Variants in SFMBT1 observed in about 807,000 individuals in gnomAD.
The protein encoded by SFMBT1 is Scm like with four mbt domains 1.
A neutral mutation model predicts 108.7 loss-of-function variants in SFMBT1; 32 were observed. The observed-to-expected ratio is 0.29, with a 90% confidence interval of 0.22 to 0.40. The LOEUF (loss-of-function observed/expected upper bound fraction) is 0.40. Ranked by LOEUF, SFMBT1 falls within the 10% of genes least tolerant of loss-of-function variation. The pLI is 1.00. For synonymous variants in SFMBT1, 348 were observed against 369.5 expected (o/e 0.94, Z 0.67); for missense variants, 816 against 1,059.6 (o/e 0.77, Z 3.19).
intron 14 of SFMBT1, 120 bp downstream of exon 14, chr3:52,916,030 A>T: frequency 1.3e-6 from 1 of 745,386 alleles, no homozygotes; most frequent in Non-Finnish European, 2.2e-6. Flanking sequence ...AGTCACAATT[A>T]AGAGACCCCT....
At chr3:52,966,337 A>AG (rs1432573349) in intron 2 of SFMBT1, among the ~76,000 whole-genome samples, 1 of 142,460 alleles carries the variant, frequency 7.0e-6, no homozygotes, top group East Asian at 2.1e-4. Context: ...GAAAAAAAAA[A>AG]GGACTAAAGC....
At chr3:53,005,084 T>C (rs191798981) in intron 1 of SFMBT1, among the ~76,000 whole-genome samples, 8 of 152,336 alleles carry the variant, frequency 5.3e-5, no homozygotes, top group Non-Finnish European at 2.9e-5. Context: ...CTGGTCTGAA[T>C]GTAGTCAGGT....
At chr3:53,015,821 T>C (rs1391778274) in intron 1 of SFMBT1, among the ~76,000 whole-genome samples, 3 of 152,198 alleles carry the variant, frequency 2.0e-5, no homozygotes, top group African/African-American at 2.4e-5. Context: ...AGGTTTTTTT[T>C]CTGGAATAAT....
At chr3:52,947,211 A>G (rs1575393981) in intron 3 of SFMBT1, among the ~76,000 whole-genome samples, 1 of 148,902 alleles carries the variant, frequency 6.7e-6, no homozygotes, top group East Asian at 2.0e-4. Flanking sequence ...TCCGCCTCCC[A>G]GGTTCACGCC....
chr3:53,003,193 T>C (rs114386441), intron 1 of SFMBT1, among the ~76,000 whole-genome samples: 1,756 of 149,242 alleles, frequency 0.012, 138 homozygotes, highest in Non-Finnish European at 0.019. Flanking sequence ...TCTTTTTATA[T>C]TCCAATTTCA....
chr3:52,905,055 A>G lies in SFMBT1; in HGVS notation c.*81T>C. 6.4e-7 allele frequency: 1 copy of G among 1,565,568 alleles called. No homozygotes were observed. Among genetic ancestry groups the G allele is most frequent in the Non-Finnish European group, 8.7e-7 (1 of 1,153,410 alleles). On this transcript the variant is annotated 3_prime_UTR_variant, in exon 21 of 21. Transcript: ENST00000394752. ...CTGCAGGCCCCAGAGCCCCAGGACT[A>G]TTCCAGCTCCACTTATAAAGCAGGG...
At chr3:52,950,754 G>T (rs13078834) in intron 3 of SFMBT1, among the ~76,000 whole-genome samples, 10,318 of 152,122 alleles carry the variant, frequency 0.068, 425 homozygotes, top group Non-Finnish European at 0.094. Flanking sequence ...GATTACAGGC[G>T]TGAGCCACCG....
Position 52,930,971 on chromosome 3 carries a change from C to T in SFMBT1, c.765G>A (p.Glu255=). The T allele has an allele frequency of 6.2e-7, 1 of 1,613,960 alleles. No homozygotes were observed. Among genetic ancestry groups the T allele is most frequent in the Non-Finnish European group, 8.5e-7 (1 of 1,179,930 alleles). The part of the protein sequence containing the change: ...QEILAKVKEE[E]EEPLPSYLFK... ...ATAAGTAAGATGGTAATGGCTCTTC[C>T]TCTTCCTCTTTCACTTTGGCCAAAA... The change falls in exon 7 of 21, where the codon GAG becomes GAA. Residue 255 remains glutamate, a synonymous_variant. Coordinates refer to ENST00000394752, the MANE Select transcript of SFMBT1 (RefSeq NM_016329.4).
At chr3:52,971,920 A>C (rs971022264) in intron 1 of SFMBT1, among the ~76,000 whole-genome samples, 3 of 152,224 alleles carry the variant, frequency 2.0e-5, no homozygotes, top group Admixed American at 2.0e-4. Context: ...AGTGGCAAAT[A>C]AAAGACTGAA....
intron 14 of SFMBT1, 132 bp downstream of exon 14, chr3:52,916,018 A>G (rs1702339136): frequency 3.0e-6 from 2 of 666,340 alleles, no homozygotes; most frequent in Non-Finnish European, 5.2e-6. Flanking sequence ...TTATAACTCT[A>G]AAGTCACAAT....
rs564474352 is a variant in SFMBT1 at position 53,000,052 on chromosome 3, C to T, written c.-130-30794G>A. Among the ~76,000 whole-genome samples, 60 of 149,582 alleles carry T rather than the reference C, an allele frequency of 4.0e-4. 8 individuals carry two copies. Among genetic ancestry groups the T allele is most frequent in the Non-Finnish European group, 6.4e-4 (43 of 66,746 alleles). ...TAATTTTTTGTATTTTTAGTAGAGACAGGGTTTCACCGTGTTAGCCAGGAT... is the reference window on the plus strand; with the variant it reads ...TAATTTTTTGTATTTTTAGTAGAGATAGGGTTTCACCGTGTTAGCCAGGAT... On this transcript the variant is annotated intron_variant, in intron 1 of 20. Coordinates refer to ENST00000394752, the MANE Select transcript of SFMBT1 (RefSeq NM_016329.4).
At chr3:52,963,946 T>C (rs183921917) in intron 2 of SFMBT1, among the ~76,000 whole-genome samples, 99 of 152,280 alleles carry the variant, frequency 6.5e-4, no homozygotes, top group Non-Finnish European at 9.6e-4. Context: ...AAACAAGACA[T>C]TTCTAAAAGG....
intron 1 of SFMBT1, among the ~76,000 whole-genome samples, chr3:53,028,800 G>A (rs1175198486): frequency 6.6e-6 from 1 of 152,166 alleles, no homozygotes; most frequent in Non-Finnish European, 1.5e-5. Flanking sequence ...CCCTTGCAGG[G>A]AAGTGCACAA....
At chr3:52,945,480 T>C (rs965088302) in intron 3 of SFMBT1, among the ~76,000 whole-genome samples, 2 of 150,316 alleles carry the variant, frequency 1.3e-5, no homozygotes, top group African/African-American at 2.4e-5. Context: ...AAGATGGAAA[T>C]AGAAAATCAC....
chr3:53,036,446 C>T (rs2564956), intron 1 of SFMBT1, among the ~76,000 whole-genome samples: 69,922 of 152,180 alleles, frequency 0.46, 16,483 homozygotes, highest in South Asian at 0.63. Flanking sequence ...GACCTCAAGT[C>T]CCACAGGAAA....
At chr3:52,971,830 C>A (rs930138974) in intron 1 of SFMBT1, among the ~76,000 whole-genome samples, 1 of 152,072 alleles carries the variant, frequency 6.6e-6, no homozygotes, top group East Asian at 1.9e-4. Context: ...TTCCAGGCAC[C>A]AAGAACAGCA....
At chr3:53,001,887 C>T (rs1016836612) in intron 1 of SFMBT1, among the ~76,000 whole-genome samples, 11 of 146,216 alleles carry the variant, frequency 7.5e-5, no homozygotes, top group Admixed American at 6.3e-4. Flanking sequence ...ATCCTGCCAC[C>T]GCATTCCGGC....
intron 3 of SFMBT1, among the ~76,000 whole-genome samples, chr3:52,948,024 C>T (rs1047828463): frequency 1.3e-5 from 2 of 152,194 alleles, no homozygotes; most frequent in Admixed American, 6.5e-5. Flanking sequence ...CGTGAGACAC[C>T]GCACCCAGCT....
At chr3:52,989,485 CT>C (rs34304263) in intron 1 of SFMBT1, among the ~76,000 whole-genome samples, 51,995 of 149,460 alleles carry the variant, frequency 0.35, 10,079 homozygotes, top group East Asian at 0.54. Flanking sequence ...AAAACTATTC[CT>C]ACTAATGTTC....
Sources: gnomAD v4.1 joint callset for allele counts (sites outside exome capture counted in the v4.1 genomes callset) on GRCh38, gnomAD v4.1.1 for gene constraint, MANE v1.5 for transcripts, NCBI Gene and HGNC (gene_info 2026-07-23, HGNC 2026-07-21) for gene names.